ZNF227: variants seen among roughly 807,000 people sequenced by gnomAD.
ZNF227 encodes zinc finger protein 227.
In ZNF227, 12 loss-of-function variants were observed where a neutral mutation model predicts 13.2. The observed-to-expected ratio is 0.91, with a 90% confidence interval of 0.58 to 1.47. ZNF227 has a LOEUF of 1.47. ZNF227 is among the 40% of genes most tolerant of loss of function. The probability of loss-of-function intolerance (pLI) is 0.00; values close to 1 mark genes in which losing one functional copy is unlikely to be tolerated. For missense variants in ZNF227, 885 were observed against 967.5 expected (o/e 0.91, Z 1.13); for synonymous variants, 338 against 326.0 (o/e 1.04, Z -0.40).
intron 3 of ZNF227, among the ~76,000 whole-genome samples, chr19:44,219,899 T>C (rs1972283278): frequency 6.6e-6 from 1 of 152,020 alleles, no homozygotes; most frequent in Non-Finnish European, 1.5e-5. Flanking sequence ...CATTTAGCAT[T>C]AGGTATATCT....
At position 44,235,261 on chromosome 19, in the gene ZNF227, C is replaced by A. The variant is rs760315792; in HGVS notation, c.831C>A (p.Cys277Ter). The A allele has an allele frequency of 6.2e-7, 1 of 1,613,874 alleles. No individual in the cohort carries two copies. The highest frequency in any genetic ancestry group is 8.5e-7 in the Non-Finnish European group (1 of 1,179,986). The change falls in exon 6 of 6, where the codon TGC becomes TGA. Residue 277 changes from cysteine to a stop codon, truncating the protein, a stop_gained. Transcript: ENST00000313040. LOFTEE classifies it low-confidence loss of function (END_TRUNC). The part of the protein sequence containing the change: ...LHPNVHTGEK[C>*]FSQSSHLRTH... ...CGAATGTTCATACAGGAGAAAAATG[C>A]TTCAGTCAAAGCTCACATCTGCGAA...
At chr19:44,226,290 C>A (rs1031322353) in intron 3 of ZNF227, among the ~76,000 whole-genome samples, 3 of 152,216 alleles carry the variant, frequency 2.0e-5, no homozygotes, top group Non-Finnish European at 4.4e-5. Context: ...GCTGGGAGAA[C>A]CACTACTCTG....
upstream of ZNF227, among the ~76,000 whole-genome samples, chr19:44,208,878 T>C (rs1386953996): frequency 6.6e-6 from 1 of 152,146 alleles, no homozygotes; most frequent in African/African-American, 2.4e-5. Context: ...CAGAAATGTA[T>C]AAAAGGAAAT....
At chr19:44,231,930 C>A (rs1172473142) in intron 5 of ZNF227, among the ~76,000 whole-genome samples, 1 of 152,214 alleles carries the variant, frequency 6.6e-6, no homozygotes, top group African/African-American at 2.4e-5. Flanking sequence ...TATTATAGTT[C>A]ATCAGTTTCC....
At chr19:44,214,628 T>G (rs1315601742) in intron 2 of ZNF227, among the ~76,000 whole-genome samples, 1 of 152,122 alleles carries the variant, frequency 6.6e-6, no homozygotes, top group Non-Finnish European at 1.5e-5. Context: ...TCCGCCCACC[T>G]CGGCCTCCCA....
intron 3 of ZNF227, chr19:44,227,298 T>C (rs905037345): frequency 3.3e-5 from 5 of 152,218 alleles, no homozygotes; most frequent in Non-Finnish European, 5.9e-5. Context: ...CAGGCTGGAG[T>C]GCAGTGGCGC....
chr19:44,234,124 T>A (rs928208205), intron 5 of ZNF227, among the ~76,000 whole-genome samples: 9 of 152,182 alleles, frequency 5.9e-5, no homozygotes, highest in African/African-American at 1.9e-4. Flanking sequence ...CTATTTCCTC[T>A]CCGAAGTTCT....
At chr19:44,233,339 A>G (rs1157828897) in intron 5 of ZNF227, among the ~76,000 whole-genome samples, 1 of 152,162 alleles carries the variant, frequency 6.6e-6, no homozygotes, top group African/African-American at 2.4e-5. Flanking sequence ...TGCTTTTAAT[A>G]CACTAAGCAT....
chr19:44,223,395 G>A (rs913097059), intron 3 of ZNF227, among the ~76,000 whole-genome samples: 2 of 152,106 alleles, frequency 1.3e-5, no homozygotes, highest in African/African-American at 4.8e-5. Flanking sequence ...ATCTGGTCCT[G>A]GACTCTTTTT....
At chr19:44,213,411 C>T (rs1461504856) in intron 2 of ZNF227, 167 bp downstream of exon 2, 1 of 152,158 alleles carries the variant, frequency 6.6e-6, no homozygotes, top group Non-Finnish European at 1.5e-5. Flanking sequence ...TAACATCTTA[C>T]CACTTTGATT....
intron 2 of ZNF227, among the ~76,000 whole-genome samples, chr19:44,214,844 C>A (rs1971698662): frequency 6.6e-6 from 1 of 150,908 alleles, no homozygotes; most frequent in Admixed American, 6.6e-5. Context: ...AACTTCTGGG[C>A]AGCGGACCTG....
intron 3 of ZNF227, among the ~76,000 whole-genome samples, chr19:44,225,115 TAG>T (rs1315547490): frequency 6.6e-6 from 1 of 152,060 alleles, no homozygotes; most frequent in Non-Finnish European, 1.5e-5. Context: ...TTCTGGCTTG[TAG>T]AGTTTCTGCC....
chr19:44,229,914 C>A, intron 5 of ZNF227, 98 bp downstream of exon 5: 1 of 734,824 alleles, frequency 1.4e-6, no homozygotes, highest in Non-Finnish European at 2.0e-6. Flanking sequence ...GTGTTAAAAT[C>A]TTTCACCTGG....
At chr19:44,209,698 T>C (rs1331931399), upstream of ZNF227, among the ~76,000 whole-genome samples, 1 of 152,218 alleles carries the variant, frequency 6.6e-6, no homozygotes, top group Admixed American at 6.5e-5. Context: ...GCCATTCTCC[T>C]GCCTCAGCCT....
intron 5 of ZNF227, 58 bp from the exon 6 acceptor site, chr19:44,234,643 TC>T: frequency 2.8e-6 from 4 of 1,451,040 alleles, no homozygotes. Flanking sequence ...TTCTGATATT[TC>T]TGAAGAAAGC....
upstream of ZNF227, among the ~76,000 whole-genome samples, chr19:44,212,124 G>A (rs1971403112): frequency 1.3e-5 from 2 of 151,712 alleles, no homozygotes; most frequent in African/African-American, 4.8e-5. Context: ...TCCTGACCTC[G>A]TGATCCGCCC....
chr19:44,230,926 A>AAAAAAAAAAAAAAAAAAAAAATAT (rs1555792168), intron 5 of ZNF227, among the ~76,000 whole-genome samples: 1 of 68,134 alleles, frequency 1.5e-5, no homozygotes, highest in Non-Finnish European at 2.3e-5. Flanking sequence ...AAAAAAAAAA[A>AAAAAAAAAAAAAAAAAAAAAATAT]ATATATATAT....
In ZNF227 at chr19:44,236,465, CAGAG is replaced by C. The variant is rs773698450; in HGVS notation, c.2038_2041del (p.Arg680AlafsTer21). 3.8e-5 allele frequency: 62 copies of C among 1,613,830 alleles called. No homozygotes were observed. The highest frequency in any genetic ancestry group is 5.0e-5 in the Non-Finnish European group (59 of 1,180,010). ...ATACAGTTCGCAGTTTATATACCAT[CAGAG>C]AGGCCACACTGGAGAAAAACCTTAC... On this transcript the variant is annotated frameshift_variant, in exon 6 of 6. Coordinates refer to ENST00000313040, the MANE Select transcript of ZNF227 (RefSeq NM_182490.3). LOFTEE classifies it low-confidence loss of function (END_TRUNC).
intron 4 of ZNF227, among the ~76,000 whole-genome samples, chr19:44,229,326 T>C (rs1338379216): frequency 6.6e-6 from 1 of 152,186 alleles, no homozygotes; most frequent in Admixed American, 6.5e-5. Flanking sequence ...TAAATCACTC[T>C]AGAGGCCGGG....
Sources: gnomAD v4.1 joint callset for allele counts (sites outside exome capture counted in the v4.1 genomes callset) on GRCh38, gnomAD v4.1.1 for gene constraint, MANE v1.5 for transcripts, NCBI Gene and HGNC (gene_info 2026-07-23, HGNC 2026-07-21) for gene names.